Variants in SLC44A5 observed in about 807,000 individuals in gnomAD.
SLC44A5 encodes choline transporter-like protein 5.
In SLC44A5, 57 loss-of-function variants were observed where a neutral mutation model predicts 101.8. The observed-to-expected ratio is 0.56, with a 90% CI of 0.45 to 0.70. The LOEUF (loss-of-function observed/expected upper bound fraction) is 0.70, where lower values mean the gene tolerates loss of function less well. Among genes scored for constraint, SLC44A5 ranks in the 30% least tolerant of loss-of-function variants. SLC44A5 has a pLI of 0.00. For missense variants in SLC44A5, 737 were observed against 853.1 expected, an observed-to-expected ratio of 0.86 and a Z score of 1.70; for synonymous variants, 281 against 290.9, an observed-to-expected ratio of 0.97 and a Z score of 0.35.
chr1:75,341,785 A>G (rs1365693290), intron 3 of SLC44A5, among the ~76,000 whole-genome samples: 1 of 152,098 alleles, frequency 6.6e-6, no homozygotes, highest in Non-Finnish European at 1.5e-5. Context: ...TAATATTTGC[A>G]TCATTCCTGG....
chr1:75,328,694 C>T (rs1656794708), intron 4 of SLC44A5, among the ~76,000 whole-genome samples: 1 of 152,100 alleles, frequency 6.6e-6, no homozygotes. Flanking sequence ...AACAAAGCTC[C>T]CTGGGAAAAA....
chr1:75,304,706 A>T (rs1654774549), intron 4 of SLC44A5, among the ~76,000 whole-genome samples: 1 of 152,184 alleles, frequency 6.6e-6, no homozygotes, highest in Non-Finnish European at 1.5e-5. Flanking sequence ...CATGGCTGAA[A>T]ATTATTCTGA....
intron 3 of SLC44A5, among the ~76,000 whole-genome samples, chr1:75,361,890 C>A (rs535234666): frequency 2.0e-5 from 3 of 152,034 alleles, no homozygotes; most frequent in East Asian, 3.9e-4. Flanking sequence ...CCATTCACTT[C>A]AATTTTTTGA....
intron 3 of SLC44A5, among the ~76,000 whole-genome samples, chr1:75,345,734 C>A (rs1332465964): frequency 1.3e-5 from 2 of 152,066 alleles, no homozygotes; most frequent in African/African-American, 4.8e-5. Flanking sequence ...GCCTAGGGAA[C>A]AAGACATGAC....
At chr1:75,321,596 T>G (rs1656154636) in intron 4 of SLC44A5, among the ~76,000 whole-genome samples, 1 of 152,148 alleles carries the variant, frequency 6.6e-6, no homozygotes, top group Non-Finnish European at 1.5e-5. Context: ...CACTGAGGAT[T>G]GGGGTTTCAA....
intron 5 of SLC44A5, among the ~76,000 whole-genome samples, chr1:75,285,975 C>T (rs914086353): frequency 6.6e-6 from 1 of 151,986 alleles, no homozygotes; most frequent in Admixed American, 6.6e-5. Context: ...CTGTAAATAT[C>T]TGTTGAGTCC....
rs140377226 is a variant in SLC44A5 at position 75,474,451 on chromosome 1, C to T, written c.13+66984G>A. Among the ~76,000 whole-genome samples the T allele has an allele frequency of 3.7e-3, 570 of 152,240 alleles. 5 individuals are homozygous for T. Among genetic ancestry groups the T allele is most frequent in the African/African-American group, 0.013 (542 of 41,544 alleles). ...AATACTAATGCTTTCAAATTCACAC[C>T]TCAATGCCAATATTCTCCTCTGACT... On this transcript the variant is annotated intron_variant, in intron 2 of 23. Coordinates refer to ENST00000370859, the MANE Select transcript of SLC44A5 (RefSeq NM_001130058.2).
At chr1:75,384,542 C>T (rs534119866) in intron 3 of SLC44A5, among the ~76,000 whole-genome samples, 3 of 96,448 alleles carry the variant, frequency 3.1e-5, no homozygotes, top group South Asian at 4.2e-4. Context: ...TACAGGAGCA[C>T]CCAGATTCAT....
intron 3 of SLC44A5, among the ~76,000 whole-genome samples, chr1:75,392,142 C>T (rs1356554192): frequency 6.6e-6 from 1 of 151,794 alleles, no homozygotes; most frequent in South Asian, 2.1e-4. Flanking sequence ...AGAATGGGAA[C>T]CTGTCTCAAA....
chr1:75,486,820 G>C (rs929964792), intron 2 of SLC44A5, among the ~76,000 whole-genome samples: 1 of 152,130 alleles, frequency 6.6e-6, no homozygotes, highest in African/African-American at 2.4e-5. Flanking sequence ...TTTTCTTTCT[G>C]TTCTGAATCC....
At chr1:75,580,303 C>A (rs566282679) in intron 1 of SLC44A5, among the ~76,000 whole-genome samples, 1 of 152,138 alleles carries the variant, frequency 6.6e-6, no homozygotes, top group African/African-American at 2.4e-5. Context: ...GTAAAACATG[C>A]AGCATTCTGA....
chr1:75,537,028 A>G lies in SLC44A5; in HGVS notation c.13+4407T>C, dbSNP rs1671075343. 9.1e-5 allele frequency among the ~76,000 whole-genome samples: 5 copies of G among 54,856 alleles called. 1 individual carries two copies. Among genetic ancestry groups the G allele is most frequent in the Admixed American group, 7.5e-4 (3 of 3,984 alleles). The allele number at this position is 54,856 out of a possible 152,430, so 36.0% of individuals were successfully genotyped here. A position where few individuals can be genotyped will look rare whatever the true frequency, so the allele number is the denominator to read the frequency against. On this transcript the variant is annotated intron_variant, in intron 2 of 23. Transcript: ENST00000370859. ...CTCAAAAAAAAAAAAAAAAAAAAAA[A>G]AAAAAATATATATCTATGCCAAATG... is the stretch of plus-strand genomic sequence containing the variant.
intron 4 of SLC44A5, among the ~76,000 whole-genome samples, chr1:75,321,571 C>G (rs1395986673): frequency 6.6e-6 from 1 of 152,150 alleles, no homozygotes; most frequent in African/African-American, 2.4e-5. Context: ...AGGCCTTTAC[C>G]TCCAAGCACC....
chr1:75,328,594 C>A (rs557655909), intron 4 of SLC44A5, among the ~76,000 whole-genome samples: 1 of 152,294 alleles, frequency 6.6e-6, no homozygotes, highest in African/African-American at 2.4e-5. Flanking sequence ...ACTACGACTT[C>A]TAAGAGCTTC....
chr1:75,714,966 A>G, the SLC44A5 span, among the ~76,000 whole-genome samples: 1 of 152,162 alleles, frequency 6.6e-6, no homozygotes, highest in Non-Finnish European at 1.5e-5. Flanking sequence ...GAGCCACTGC[A>G]CCCAGCAAAA....
intron 2 of SLC44A5, among the ~76,000 whole-genome samples, chr1:75,440,325 G>T (rs1028940962): frequency 1.3e-5 from 2 of 152,112 alleles, no homozygotes; most frequent in Non-Finnish European, 2.9e-5. Flanking sequence ...AAGTTGGAAA[G>T]AAAGTTAAAA....
intron 4 of SLC44A5, among the ~76,000 whole-genome samples, chr1:75,338,623 T>C (rs1484355422): frequency 3.9e-5 from 6 of 152,176 alleles, no homozygotes; most frequent in Non-Finnish European, 1.5e-5. Flanking sequence ...ATGGAGAGAA[T>C]GGAGAGGTTT....
chr1:75,519,022 C>T (rs1338738131), intron 2 of SLC44A5, among the ~76,000 whole-genome samples: 3 of 152,108 alleles, frequency 2.0e-5, no homozygotes, highest in African/African-American at 7.2e-5. Context: ...CTCAATAAAG[C>T]CGTTTAGAAT....
chr1:75,311,364 G>A (rs1557650296), intron 4 of SLC44A5, among the ~76,000 whole-genome samples: 1 of 152,114 alleles, frequency 6.6e-6, no homozygotes, highest in African/African-American at 2.4e-5. Context: ...TGATCTGCTG[G>A]GCTTGGCCTC....
Sources: gnomAD v4.1 joint callset for allele counts (sites outside exome capture counted in the v4.1 genomes callset) on GRCh38, gnomAD v4.1.1 for gene constraint, MANE v1.5 for transcripts, NCBI Gene and HGNC (gene_info 2026-07-23, HGNC 2026-07-21) for gene names.